Variants in ATG14 observed in about 807,000 individuals in gnomAD.
ATG14 encodes the protein autophagy related 14, also known as beclin 1-associated autophagy-related key regulator.
In ATG14, 35 loss-of-function variants were observed where a neutral mutation model predicts 60.4. The observed-to-expected ratio is 0.58, with a 90% CI of 0.44 to 0.77. ATG14 has a LOEUF of 0.77. ATG14 is among the 30% of genes least tolerant of loss of function. The pLI, the probability that ATG14 is intolerant of heterozygous loss-of-function variation, is 0.00. For missense variants in ATG14, 647 were observed against 626.3 expected (o/e 1.03, Z -0.35); for synonymous variants, 234 against 228.8 (o/e 1.02, Z -0.21).
intron 6 of ATG14, among the ~76,000 whole-genome samples, 186 bp from the exon 7 acceptor site, chr14:55,380,876 T>TATA (rs1555341864): frequency 0.018 from 1,493 of 84,000 alleles, 19 homozygotes; most frequent in East Asian, 0.063. Context: ...TATATATATA[T>TATA]TTTTTTTTTT....
At chr14:55,395,907 C>T (rs770862657) in intron 3 of ATG14, 33 bp downstream of exon 3, 1 of 1,467,940 alleles carries the variant, frequency 6.8e-7, no homozygotes, top group Non-Finnish European at 9.1e-7. Context: ...AAACATGTAG[C>T]CTCAAGTAAA....
At chr14:55,379,701 G>A (rs1884992520) in intron 7 of ATG14, among the ~76,000 whole-genome samples, 1 of 152,156 alleles carries the variant, frequency 6.6e-6, no homozygotes, top group African/African-American at 2.4e-5. Context: ...AACTGGGTAG[G>A]CTGTATATCT....
At chr14:55,386,930 C>G (rs1001926562) in intron 4 of ATG14, among the ~76,000 whole-genome samples, 1 of 152,028 alleles carries the variant, frequency 6.6e-6, no homozygotes, top group African/African-American at 2.4e-5. Context: ...CCAGGAAAAT[C>G]TTCTCCAGTT....
chr14:55,404,317 A>T (rs555237451), intron 1 of ATG14, among the ~76,000 whole-genome samples: 1 of 152,136 alleles, frequency 6.6e-6, no homozygotes, highest in Non-Finnish European at 1.5e-5. Flanking sequence ...CTTAACCACA[A>T]CCCTGATCCC....
intron 4 of ATG14, among the ~76,000 whole-genome samples, chr14:55,388,775 T>C (rs1268847655): frequency 6.6e-6 from 1 of 152,086 alleles, no homozygotes; most frequent in African/African-American, 2.4e-5. Context: ...GTCTAGAGGG[T>C]GGGAAGGAGA....
chr14:55,389,441 G>A (rs1438495948), intron 4 of ATG14, among the ~76,000 whole-genome samples: 2 of 152,202 alleles, frequency 1.3e-5, no homozygotes, highest in Non-Finnish European at 2.9e-5. Context: ...TAATTCTCTA[G>A]TTTAGTAATC....
chr14:55,407,065 A>G (rs1885502603), intron 1 of ATG14, among the ~76,000 whole-genome samples: 1 of 151,706 alleles, frequency 6.6e-6, no homozygotes, highest in Non-Finnish European at 1.5e-5. Context: ...AGGTTCAAGC[A>G]ATTCTCGTGC....
In ATG14 at chr14:55,367,426, A is replaced by T. The variant is rs1447016076; in HGVS notation, c.*2193T>A. 1 of 152,232 alleles carries T rather than the reference A, an allele frequency of 6.6e-6. No homozygotes were observed. The highest frequency in any genetic ancestry group is 6.5e-5 in the Admixed American group (1 of 15,274). 9.4% of individuals were successfully genotyped at this position (152,232 alleles called of 1,614,324 possible). A position where few individuals can be genotyped will look rare whatever the true frequency, so the allele number is the denominator to read the frequency against. ...TCAATCATGAAGCTGAGCACTTAAA[A>T]CAGAGATCCCAGCAGTGTAGAAGAA... On this transcript the variant is annotated 3_prime_UTR_variant, in exon 10 of 10. Coordinates refer to ENST00000247178, the MANE Select transcript of ATG14 (RefSeq NM_014924.5).
chr14:55,382,585 A>G (rs550452927), intron 5 of ATG14, among the ~76,000 whole-genome samples: 3 of 152,316 alleles, frequency 2.0e-5, no homozygotes, highest in East Asian at 3.9e-4. Flanking sequence ...TACTGAGATT[A>G]TAATCATGAG....
chr14:55,384,588 C>T (rs958134700), intron 5 of ATG14, among the ~76,000 whole-genome samples: 10 of 152,176 alleles, frequency 6.6e-5, no homozygotes, highest in African/African-American at 2.4e-4. Flanking sequence ...TTACTAATGA[C>T]AAAATACTTA....
chr14:55,376,981 A>G (rs932669971), intron 9 of ATG14, among the ~76,000 whole-genome samples: 2 of 152,150 alleles, frequency 1.3e-5, no homozygotes, highest in African/African-American at 2.4e-5. Context: ...CATTGATTTC[A>G]AACCAGTTCA....
intron 9 of ATG14, 32 bp downstream of exon 9, chr14:55,377,787 C>T (rs1176873129): frequency 6.8e-7 from 1 of 1,481,028 alleles, no homozygotes; most frequent in Admixed American, 2.2e-5. Flanking sequence ...TTCACAAAAA[C>T]ACTTAGAGAA....
At chr14:55,389,695 A>C (rs1281566881) in intron 4 of ATG14, among the ~76,000 whole-genome samples, 1 of 152,228 alleles carries the variant, frequency 6.6e-6, no homozygotes, top group Non-Finnish European at 1.5e-5. Context: ...TCTGAAGTAA[A>C]TCTGATTTTC....
At chr14:55,410,977 A>G (rs1885561543) in intron 1 of ATG14, among the ~76,000 whole-genome samples, 1 of 152,208 alleles carries the variant, frequency 6.6e-6, no homozygotes, top group Non-Finnish European at 1.5e-5. Flanking sequence ...TCTCTTAACT[A>G]AAAGCATGCA....
chr14:55,369,635 T>G lies in ATG14; in HGVS notation c.1463A>C (p.Tyr488Ser). Reference sequence around the variant, plus strand: ...CCATGCTCGTTAACGGTGTCCAGTGTAAGCTTTAAACCAGGAGGTCACCGA... The same window carrying G: ...CCATGCTCGTTAACGGTGTCCAGTGGAAGCTTTAAACCAGGAGGTCACCGA... ...AASVTSWFKAYTGHR is the reference protein window; with the variant it reads ...AASVTSWFKASTGHR The change falls in exon 10 of 10, where the codon TAC (tyrosine) becomes TCC (serine). Residue 488 changes from tyrosine to serine, a missense_variant. By Grantham distance (144) the Tyr-to-Ser change is moderately radical. Coordinates refer to ENST00000247178, the MANE Select transcript of ATG14 (RefSeq NM_014924.5). 1 of 1,529,752 alleles carries G rather than the reference T, an allele frequency of 6.5e-7. No individual in the cohort carries two copies. The highest frequency in any genetic ancestry group is 8.8e-7 in the Non-Finnish European group (1 of 1,136,946). The allele number at this position is 1,529,752 out of a possible 1,614,324, so 94.8% of individuals were successfully genotyped here. A position where few individuals can be genotyped will look rare whatever the true frequency, so the allele number is the denominator to read the frequency against.
intron 9 of ATG14, among the ~76,000 whole-genome samples, chr14:55,372,194 C>G (rs562118870): frequency 1.3e-5 from 2 of 152,244 alleles, no homozygotes; most frequent in East Asian, 3.9e-4. Context: ...ACCTCCCACT[C>G]TGTCTGGGGT....
intron 1 of ATG14, among the ~76,000 whole-genome samples, chr14:55,409,412 G>A (rs1885536933): frequency 6.6e-6 from 1 of 152,184 alleles, no homozygotes; most frequent in Non-Finnish European, 1.5e-5. Flanking sequence ...ATATCACTGG[G>A]GTGGGGGCAG....
chr14:55,395,880 A>G, intron 3 of ATG14, 60 bp downstream of exon 3: 1 of 1,215,408 alleles, frequency 8.2e-7, no homozygotes, highest in Non-Finnish European at 1.1e-6. Flanking sequence ...ATAATTTTAT[A>G]AGCTCTACCA....
intron 9 of ATG14, among the ~76,000 whole-genome samples, chr14:55,371,791 G>A (rs769478490): frequency 1.1e-4 from 16 of 151,274 alleles, no homozygotes; most frequent in Admixed American, 2.6e-4. Flanking sequence ...GCGACAGAGC[G>A]AGACTCTGTC....
Sources: allele counts gnomAD v4.1 joint callset (sites outside exome capture counted in the v4.1 genomes callset), GRCh38; gene constraint gnomAD v4.1.1; transcripts MANE v1.5; gene names NCBI Gene and HGNC (gene_info 2026-07-23, HGNC 2026-07-21).